The following FGF14 variants were observed in gnomAD, a reference collection of about 807,000 sequenced individuals.
FGF14 encodes the protein fibroblast growth factor 14.
In FGF14, 5 loss-of-function variants were observed where a neutral mutation model predicts 25.5. The ratio of observed to expected loss-of-function variants is 0.20; its 90% CI spans 0.10 to 0.41. The LOEUF is 0.41. FGF14 is among the 10% of genes least tolerant of loss of function. The probability of loss-of-function intolerance (pLI) is 1.00; values close to 1 mark genes in which losing one functional copy is unlikely to be tolerated. For missense variants in FGF14, 222 were observed against 320.1 expected, an observed-to-expected ratio of 0.69 and a Z score of 2.34; for synonymous variants, 138 against 118.3, an observed-to-expected ratio of 1.17 and a Z score of -1.08.
At chr13:101,999,959 A>T (rs1231685689) in intron 1 of FGF14, among the ~76,000 whole-genome samples, 1 of 152,176 alleles carries the variant, frequency 6.6e-6, no homozygotes, top group Non-Finnish European at 1.5e-5. Flanking sequence ...GAGATTTAAC[A>T]ATAGGGACTT....
intron 1 of FGF14, among the ~76,000 whole-genome samples, chr13:102,241,576 G>A (rs985552770): frequency 1.3e-5 from 2 of 152,132 alleles, no homozygotes; most frequent in Non-Finnish European, 2.9e-5. Flanking sequence ...CTGGAGTTAT[G>A]CTATAGAAAA....
rs764298830 is a variant in FGF14, at chr13:101,722,813, A to G, written c.*18T>C. 1.2e-5 allele frequency: 20 copies of G among 1,612,866 alleles called. No homozygotes were observed. The highest frequency in any genetic ancestry group is 1.0e-4 in the Admixed American group (6 of 59,838). The stretch of plus-strand genomic sequence containing the variant: ...CTGTGCTCAGGACGAATAAGTCACA[A>G]CACCTGTGAGGATCTGGCTATGTTG... On this transcript the variant is annotated 3_prime_UTR_variant, in exon 5 of 5. Coordinates refer to ENST00000376143, the MANE Select transcript of FGF14 (RefSeq NM_004115.4).
intron 1 of FGF14, among the ~76,000 whole-genome samples, chr13:101,958,831 C>A (rs149184842): frequency 6.6e-6 from 1 of 152,178 alleles, no homozygotes. Context: ...AAGGTCACTG[C>A]GCCTCCACCA....
intron 3 of FGF14, among the ~76,000 whole-genome samples, chr13:101,755,834 G>T (rs1224639397): frequency 6.6e-6 from 1 of 152,168 alleles, no homozygotes; most frequent in Non-Finnish European, 1.5e-5. Flanking sequence ...CTGGGTTAGT[G>T]ATAAGAGTAT....
chr13:102,252,724 G>T (rs1245448872), intron 1 of FGF14, among the ~76,000 whole-genome samples: 1 of 151,606 alleles, frequency 6.6e-6, no homozygotes, highest in African/African-American at 2.4e-5. Context: ...GAACGTGCAG[G>T]TTTGTTACAC....
intron 1 of FGF14, among the ~76,000 whole-genome samples, chr13:101,982,451 G>T (rs992046061): frequency 1.3e-5 from 2 of 152,138 alleles, no homozygotes; most frequent in Non-Finnish European, 1.5e-5. Flanking sequence ...TTCCAGCAAA[G>T]CTTTGAATAC....
chr13:102,287,264 T>C (rs1042789479), intron 1 of FGF14, among the ~76,000 whole-genome samples: 2 of 152,260 alleles, frequency 1.3e-5, no homozygotes, highest in African/African-American at 4.8e-5. Flanking sequence ...AATGTGCATG[T>C]ACACAGCATG....
intron 1 of FGF14, among the ~76,000 whole-genome samples, chr13:102,276,224 C>T (rs1326264435): frequency 6.7e-6 from 1 of 149,796 alleles, no homozygotes; most frequent in Admixed American, 6.6e-5. Flanking sequence ...TCTCAGTCAA[C>T]AGTGCTTTTG....
chr13:102,275,252 CT>C (rs2053468507), intron 1 of FGF14, among the ~76,000 whole-genome samples: 1 of 105,986 alleles, frequency 9.4e-6, no homozygotes, highest in Non-Finnish European at 1.8e-5. Context: ...CTCTCTCTCT[CT>C]CTCTCTCTTT....
intron 1 of FGF14, among the ~76,000 whole-genome samples, chr13:102,099,973 A>G (rs1476856647): frequency 6.6e-6 from 1 of 152,178 alleles, no homozygotes; most frequent in African/African-American, 2.4e-5. Flanking sequence ...AGCAAAAATT[A>G]GACTCATGTC....
At chr13:101,862,274 TTTC>T (rs1267052381) in intron 3 of FGF14, among the ~76,000 whole-genome samples, 1 of 152,090 alleles carries the variant, frequency 6.6e-6, no homozygotes, top group African/African-American at 2.4e-5. Flanking sequence ...TTTCTCTTCT[TTTC>T]TCTTTTCTTT....
intron 1 of FGF14, among the ~76,000 whole-genome samples, chr13:102,136,800 C>T (rs1257890631): frequency 2.0e-5 from 3 of 152,136 alleles, no homozygotes; most frequent in Non-Finnish European, 4.4e-5. Context: ...ATATTCTTCT[C>T]CATGTTTATC....
At chr13:101,845,805 A>G (rs2140335588) in intron 3 of FGF14, among the ~76,000 whole-genome samples, 1 of 152,116 alleles carries the variant, frequency 6.6e-6, no homozygotes, top group East Asian at 1.9e-4. Context: ...ACTGGAATGA[A>G]TGGCTTCATA....
intron 1 of FGF14, among the ~76,000 whole-genome samples, chr13:102,310,012 C>T (rs930286993): frequency 1.8e-4 from 28 of 152,192 alleles, no homozygotes; most frequent in African/African-American, 6.8e-4. Context: ...TCCACTTCCA[C>T]AAACATCTCT....
intron 1 of FGF14, among the ~76,000 whole-genome samples, chr13:102,241,000 G>A (rs1313956997): frequency 6.6e-6 from 1 of 152,116 alleles, no homozygotes; most frequent in African/African-American, 2.4e-5. Flanking sequence ...AATTCTCAGG[G>A]TGGCAGAGGG....
intron 1 of FGF14, among the ~76,000 whole-genome samples, chr13:102,028,819 T>C (rs538951435): frequency 2.0e-5 from 3 of 152,244 alleles, no homozygotes; most frequent in Admixed American, 6.5e-5. Context: ...AATTAACTTT[T>C]TGCCTAGTGA....
At chr13:101,952,416 T>C (rs866091136) in intron 1 of FGF14, among the ~76,000 whole-genome samples, 9 of 151,860 alleles carry the variant, frequency 5.9e-5, no homozygotes, top group African/African-American at 2.2e-4. Context: ...TTGGCTACTT[T>C]TTTTTTTTTC....
intron 1 of FGF14, among the ~76,000 whole-genome samples, chr13:102,076,762 C>CA (rs936072837): frequency 4.6e-5 from 7 of 151,628 alleles, no homozygotes; most frequent in Middle Eastern, 3.4e-3. Context: ...CAGAAATATC[C>CA]AAAAAAAATC....
chr13:102,039,310 T>C (rs1412675894), intron 1 of FGF14, among the ~76,000 whole-genome samples: 2 of 152,178 alleles, frequency 1.3e-5, no homozygotes, highest in East Asian at 3.9e-4. Context: ...GAGTGGTATG[T>C]CATCCCAAGA....
Sources: gnomAD v4.1 joint callset for allele counts (sites outside exome capture counted in the v4.1 genomes callset) on GRCh38, gnomAD v4.1.1 for gene constraint, MANE v1.5 for transcripts, NCBI Gene and HGNC (gene_info 2026-07-23, HGNC 2026-07-21) for gene names.